GFRA1: variants seen among roughly 807,000 people sequenced by gnomAD.
The protein encoded by GFRA1 is GDNF family receptor alpha 1.
A neutral mutation model predicts 51.6 loss-of-function variants in GFRA1; 16 were observed. The observed-to-expected ratio is 0.31, with a 90% CI of 0.21 to 0.47. GFRA1 has a LOEUF of 0.47. Ranked by LOEUF, GFRA1 falls within the 20% of genes least tolerant of loss-of-function variation. The pLI is 1.00. For synonymous variants in GFRA1, 270 were observed against 241.3 expected (o/e 1.12, Z -1.10); for missense variants, 530 against 594.3 (o/e 0.89, Z 1.13).
chr10:116,107,553 G>T (rs965020178), intron 6 of GFRA1, among the ~76,000 whole-genome samples: 13 of 149,788 alleles, frequency 8.7e-5, no homozygotes, highest in African/African-American at 2.9e-4. Context: ...ATAGGCCAAT[G>T]AAATCATACT....
intron 9 of GFRA1, among the ~76,000 whole-genome samples, chr10:116,079,417 C>A (rs1301272466): frequency 6.6e-6 from 1 of 152,072 alleles, no homozygotes; most frequent in Non-Finnish European, 1.5e-5. Flanking sequence ...TTATATCTCC[C>A]TATGCTCCTT....
intron 3 of GFRA1, among the ~76,000 whole-genome samples, chr10:116,269,818 C>T (rs1406704285): frequency 6.6e-6 from 1 of 152,134 alleles, no homozygotes; most frequent in African/African-American, 2.4e-5. Context: ...ACAACCCAGC[C>T]CTATCTTGCC....
intron 4 of GFRA1, among the ~76,000 whole-genome samples, chr10:116,219,013 A>T (rs186861476): frequency 3.1e-4 from 46 of 148,566 alleles, no homozygotes; most frequent in South Asian, 6.4e-4. Flanking sequence ...AGAAAAAAAT[A>T]AAAAAAAAAG....
At position 116,168,106 on chromosome 10, in the gene GFRA1, A is replaced by C. The variant is rs1467088884; in HGVS notation, c.434-42549T>G. On this transcript the variant is annotated intron_variant, in intron 5 of 10. Transcript: ENST00000355422. ...CTATTAAAATAATAAATAATACATA[A>C]ATAAGAGTCAGTGGTTCAAACCTTC... is the stretch of plus-strand genomic sequence containing the variant. Among the ~76,000 whole-genome samples the C allele has an allele frequency of 3.3e-5, 5 of 151,700 alleles. No homozygotes were observed. The East Asian group carries it at 9.8e-4, about 30-fold the overall frequency.
At chr10:116,067,715 G>C (rs760353376) in intron 9 of GFRA1, among the ~76,000 whole-genome samples, 2 of 152,144 alleles carry the variant, frequency 1.3e-5, no homozygotes, top group African/African-American at 2.4e-5. Flanking sequence ...GTTTTCTTAA[G>C]TGGACTCGGC....
intron 4 of GFRA1, chr10:116,255,788 GCTAGCACATTCC>G (rs1968791601): frequency 5.5e-6 from 7 of 1,267,720 alleles, no homozygotes; most frequent in Non-Finnish European, 7.2e-6. Context: ...CTCCCCAGCA[GCTAGCACATTCC>G]CTGGCACACA....
In GFRA1 at chr10:116,271,054, A is replaced by G. The variant is rs539670236; in HGVS notation, c.102T>C (p.Asp34=). The G allele has an allele frequency of 2.7e-5, 44 of 1,613,428 alleles. No homozygotes were observed. In the Middle Eastern group the frequency reaches 5.0e-4, roughly 18 times the overall value. The part of the protein sequence containing the change: ...GDRLDCVKAS[D]QCLKEQSCST... ...TGCAGCTCTGCTCCTTCAGGCACTG[A>G]TCACTGGCTTTCACGCAATCCAGGC... is the stretch of plus-strand genomic sequence containing the variant. Residue 34 remains aspartate (D), a synonymous_variant, in exon 3 of 11, where the codon GAT becomes GAC. Transcript: ENST00000355422.
intron 9 of GFRA1, among the ~76,000 whole-genome samples, chr10:116,075,236 A>G (rs2133811242): frequency 6.6e-6 from 1 of 152,162 alleles, no homozygotes; most frequent in Admixed American, 6.5e-5. Flanking sequence ...AGTGCTTAGG[A>G]GAAGACATCA....
chr10:116,254,563 G>A (rs1191486240), intron 4 of GFRA1, among the ~76,000 whole-genome samples: 1 of 151,952 alleles, frequency 6.6e-6, no homozygotes, highest in African/African-American at 2.4e-5. Flanking sequence ...CCTACTGATG[G>A]GAGGCCAGCA....
At chr10:116,172,191 T>C (rs144190013) in intron 5 of GFRA1, among the ~76,000 whole-genome samples, 2 of 152,266 alleles carry the variant, frequency 1.3e-5, no homozygotes, top group Non-Finnish European at 2.9e-5. Context: ...TTATGAGTAT[T>C]AATAAAACAT....
chr10:116,206,553 T>C (rs1023466931), intron 5 of GFRA1, among the ~76,000 whole-genome samples: 4 of 151,392 alleles, frequency 2.6e-5, no homozygotes, highest in Admixed American at 2.0e-4. Context: ...CCAGTATTTA[T>C]CCATATGGGA....
intron 5 of GFRA1, among the ~76,000 whole-genome samples, chr10:116,134,942 G>A (rs760443422): frequency 1.2e-4 from 19 of 152,160 alleles, no homozygotes; most frequent in Non-Finnish European, 2.4e-4. Flanking sequence ...GATTAATAGT[G>A]CTGTCCCAGA....
chr10:116,139,949 T>A (rs773809273), intron 5 of GFRA1, among the ~76,000 whole-genome samples: 1 of 152,214 alleles, frequency 6.6e-6, no homozygotes, highest in Non-Finnish European at 1.5e-5. Flanking sequence ...CCAACACAGA[T>A]ACTAATTAGC....
At chr10:116,148,037 C>A (rs1433531002) in intron 5 of GFRA1, among the ~76,000 whole-genome samples, 1 of 122,108 alleles carries the variant, frequency 8.2e-6, no homozygotes, top group African/African-American at 3.1e-5. Flanking sequence ...TGCATGTGTG[C>A]ATGTGCGTGT....
chr10:116,202,523 C>G (rs907270205), intron 5 of GFRA1, among the ~76,000 whole-genome samples: 1 of 152,054 alleles, frequency 6.6e-6, no homozygotes, highest in Non-Finnish European at 1.5e-5. Flanking sequence ...AAAGAACTAA[C>G]CGAGACTGGG....
intron 5 of GFRA1, among the ~76,000 whole-genome samples, chr10:116,129,558 C>T (rs1046563618): frequency 1.3e-5 from 2 of 152,002 alleles, no homozygotes; most frequent in African/African-American, 4.8e-5. Flanking sequence ...AAACCTATAA[C>T]TAAAGTCATA....
intron 4 of GFRA1, among the ~76,000 whole-genome samples, chr10:116,215,889 C>T (rs1965527689): frequency 6.6e-6 from 1 of 152,180 alleles, no homozygotes; most frequent in Admixed American, 6.5e-5. Context: ...CTCCCTCTCC[C>T]CACCAGCCCC....
intron 4 of GFRA1, among the ~76,000 whole-genome samples, chr10:116,265,696 T>C (rs1375440491): frequency 1.3e-5 from 2 of 152,164 alleles, no homozygotes. Flanking sequence ...GCACGGTGGC[T>C]TCTGCCTCTG....
intron 9 of GFRA1, among the ~76,000 whole-genome samples, chr10:116,067,386 T>C (rs1271442071): frequency 1.3e-5 from 2 of 152,150 alleles, no homozygotes; most frequent in Admixed American, 1.3e-4. Flanking sequence ...AACTAACAAA[T>C]TTACTGAATT....
Sources: gnomAD v4.1 joint callset for allele counts (sites outside exome capture counted in the v4.1 genomes callset) on GRCh38, gnomAD v4.1.1 for gene constraint, MANE v1.5 for transcripts, NCBI Gene and HGNC (gene_info 2026-07-23, HGNC 2026-07-21) for gene names.